The following NDUFA5 variants were observed in gnomAD, a reference collection of about 807,000 sequenced individuals.
The protein encoded by NDUFA5 is NADH dehydrogenase [ubiquinone] 1 alpha subcomplex subunit 5.
A neutral mutation model predicts 19.8 loss-of-function variants in NDUFA5; 11 were observed. That is an observed-to-expected ratio of 0.56 (90% CI 0.35 to 0.92). The LOEUF (loss-of-function observed/expected upper bound fraction) is 0.92, where lower values mean the gene tolerates loss of function less well. Ranked by LOEUF, NDUFA5 falls within the 40% of genes least tolerant of loss-of-function variation. The probability of loss-of-function intolerance (pLI) is 0.01; values close to 1 mark genes in which losing one functional copy is unlikely to be tolerated. For missense variants in NDUFA5, 109 were observed against 134.2 expected, an observed-to-expected ratio of 0.81 and a Z score of 0.93; for synonymous variants, 47 against 46.8, an observed-to-expected ratio of 1.00 and a Z score of -0.01.
At chr7:123,566,071 A>G in the NDUFA5 span, among the ~76,000 whole-genome samples, 1 of 152,164 alleles carries the variant, frequency 6.6e-6, no homozygotes, top group Non-Finnish European at 1.5e-5. Context: ...GGGTCATTGC[A>G]GATGTAATCA....
At chr7:123,593,774 G>A in the NDUFA5 span, among the ~76,000 whole-genome samples, 3 of 152,002 alleles carry the variant, frequency 2.0e-5, no homozygotes, top group Admixed American at 6.6e-5. Context: ...TGCTCTTCTC[G>A]AGGAATAGCT....
At chr7:123,585,864 A>C in the NDUFA5 span, among the ~76,000 whole-genome samples, 2 of 151,810 alleles carry the variant, frequency 1.3e-5, no homozygotes, top group Non-Finnish European at 2.9e-5. Flanking sequence ...TTCACCTACT[A>C]TAAGGTCCTC....
intron 2 of NDUFA5, chr7:123,556,878 T>G (rs1054577016): frequency 3.9e-6 from 2 of 514,084 alleles, no homozygotes; most frequent in Non-Finnish European, 7.7e-6. Context: ...TTGGAGAAAA[T>G]AGAGATAACT....
the NDUFA5 span, among the ~76,000 whole-genome samples, chr7:123,581,696 T>C: frequency 6.6e-6 from 1 of 151,980 alleles, no homozygotes; most frequent in Non-Finnish European, 1.5e-5. Context: ...TCCTACTAGA[T>C]AGTAGGATTG....
chr7:123,598,158 G>A, the NDUFA5 span, among the ~76,000 whole-genome samples: 1 of 151,882 alleles, frequency 6.6e-6, no homozygotes, highest in East Asian at 1.9e-4. Flanking sequence ...CAAATGCAAT[G>A]GTTTCCCTCA....
the NDUFA5 span, among the ~76,000 whole-genome samples, chr7:123,564,250 T>G: frequency 6.6e-6 from 1 of 152,246 alleles, no homozygotes; most frequent in African/African-American, 2.4e-5. Context: ...CCTCACCCAG[T>G]ATGTGTAATA....
the NDUFA5 span, among the ~76,000 whole-genome samples, chr7:123,581,009 G>A: frequency 6.6e-6 from 1 of 152,056 alleles, no homozygotes; most frequent in South Asian, 2.1e-4. Context: ...ATTCCTGTGT[G>A]ACTCTCCTTC....
chr7:123,567,233 T>A, the NDUFA5 span: 1 of 152,130 alleles, frequency 6.6e-6, no homozygotes, highest in South Asian at 2.1e-4. Flanking sequence ...AGAAAGGGAT[T>A]TCAGAATGTC....
chr7:123,575,979 T>C, the NDUFA5 span, among the ~76,000 whole-genome samples: 1 of 151,612 alleles, frequency 6.6e-6, no homozygotes, highest in South Asian at 2.1e-4. Flanking sequence ...TCAATTCTTG[T>C]TGGCTTCTAT....
upstream of NDUFA5, among the ~76,000 whole-genome samples, chr7:123,562,781 CT>C (rs1798704545): frequency 6.8e-6 from 1 of 146,262 alleles, no homozygotes; most frequent in African/African-American, 2.5e-5. Context: ...TTTTCTTTTT[CT>C]TTTCTTTCTT....
At chr7:123,567,977 A>T in the NDUFA5 span, among the ~76,000 whole-genome samples, 1 of 152,156 alleles carries the variant, frequency 6.6e-6, no homozygotes, top group Non-Finnish European at 1.5e-5. Flanking sequence ...TATCTATAGT[A>T]TGAACACTTC....
the NDUFA5 span, among the ~76,000 whole-genome samples, chr7:123,594,916 C>A: frequency 2.0e-5 from 3 of 152,196 alleles, no homozygotes; most frequent in Non-Finnish European, 2.9e-5. Flanking sequence ...AGGCAGTAGG[C>A]CTTGCTGAGC....
chr7:123,568,464 T>C, the NDUFA5 span, among the ~76,000 whole-genome samples: 1 of 148,906 alleles, frequency 6.7e-6, no homozygotes, highest in African/African-American at 2.5e-5. Context: ...GAGGTTGCAG[T>C]GAGCAGAGAT....
chr7:123,581,242 T>C, the NDUFA5 span, among the ~76,000 whole-genome samples: 1 of 151,758 alleles, frequency 6.6e-6, no homozygotes, highest in Non-Finnish European at 1.5e-5. Context: ...GTATGGGAGA[T>C]CTGTAAGCCA....
chr7:123,538,772 C>T lies in NDUFA5; in HGVS notation c.*3347G>A, dbSNP rs1429887039. The T allele has an allele frequency of 1.3e-5, 2 of 152,164 alleles. No homozygotes were observed. The highest frequency in any genetic ancestry group is 1.3e-4 in the Admixed American group (2 of 15,268). The allele number at this position is 152,164 out of a possible 1,614,324, so 9.4% of individuals were successfully genotyped here. On this transcript the variant is annotated 3_prime_UTR_variant, in exon 5 of 5. Coordinates refer to ENST00000355749, the MANE Select transcript of NDUFA5 (RefSeq NM_005000.5). Reference sequence around the variant, plus strand: ...TATGTTCAGCAATTTGGTACTTAATCCCATACCCCACAATACACTTGTGTA... The same window carrying T: ...TATGTTCAGCAATTTGGTACTTAATTCCATACCCCACAATACACTTGTGTA...
rs921290830 is a variant in NDUFA5 at position 123,537,752 on chromosome 7, C to T, written c.*4367G>A. 3 of 151,762 alleles carry T rather than the reference C, an allele frequency of 2.0e-5. No homozygotes were observed. The highest frequency in any genetic ancestry group is 7.3e-5 in the African/African-American group (3 of 41,260). 9.4% of individuals were successfully genotyped at this position (151,762 alleles called of 1,614,324 possible). A position where few individuals can be genotyped will look rare whatever the true frequency, so the allele number is the denominator to read the frequency against. ...TGAAATTAGGAATTTAGATAAGGGA[C>T]TTTGGACCTGTTTTACTCTGGTGAA... On this transcript the variant is annotated 3_prime_UTR_variant, in exon 5 of 5. Coordinates refer to ENST00000355749, the MANE Select transcript of NDUFA5 (RefSeq NM_005000.5).
At chr7:123,557,635 C>G (rs1319906237) in intron 1 of NDUFA5, 140 bp downstream of exon 1, 6 of 1,613,664 alleles carry the variant, frequency 3.7e-6, no homozygotes, top group Admixed American at 1.7e-5. Context: ...CTGCCCTACC[C>G]GGTAAGGCAT....
the NDUFA5 span, among the ~76,000 whole-genome samples, chr7:123,596,724 ACT>A: frequency 3.3e-5 from 5 of 152,204 alleles, no homozygotes; most frequent in Non-Finnish European, 1.5e-5. Flanking sequence ...TATAGTATGT[ACT>A]GTTAAAATGC....
the NDUFA5 span, among the ~76,000 whole-genome samples, chr7:123,587,754 T>C: frequency 6.6e-6 from 1 of 151,830 alleles, no homozygotes; most frequent in East Asian, 1.9e-4. Context: ...AAAAAAGATG[T>C]TGATATTTGT....
Sources: allele counts gnomAD v4.1 joint callset (sites outside exome capture counted in the v4.1 genomes callset), GRCh38; gene constraint gnomAD v4.1.1; transcripts MANE v1.5; gene names NCBI Gene and HGNC (gene_info 2026-07-23, HGNC 2026-07-21).